LINC00305: variants seen among roughly 807,000 people sequenced by gnomAD.
The protein encoded by LINC00305 is long intergenic non-protein coding RNA 305.
At chr18:64,142,933 T>G (rs2051471237) in intron 1 of LINC00305, among the ~76,000 whole-genome samples, 1 of 152,184 alleles carries the variant, frequency 6.6e-6, no homozygotes, top group Non-Finnish European at 1.5e-5. Context: ...TTTAAAATAG[T>G]GTTCAATTTG....
chr18:64,104,040 C>A (rs1276673229), intron 1 of LINC00305: 1 of 152,162 alleles, frequency 6.6e-6, no homozygotes, highest in Non-Finnish European at 1.5e-5. Flanking sequence ...TATTTCTTGA[C>A]AGAAAGAAAG....
intron 1 of LINC00305, among the ~76,000 whole-genome samples, chr18:64,143,750 C>CAT (rs1416304329): frequency 1.4e-5 from 1 of 70,096 alleles, no homozygotes; most frequent in African/African-American, 5.4e-5. Flanking sequence ...ATTATGCGTA[C>CAT]ATGTATGTAC....
chr18:64,129,938 G>A (rs2051401765), intron 1 of LINC00305, among the ~76,000 whole-genome samples: 1 of 151,316 alleles, frequency 6.6e-6, no homozygotes. Context: ...AAGACTGCTT[G>A]GAGTATATGC....
chr18:64,088,585 T>A (rs1399594106), intron 3 of LINC00305, among the ~76,000 whole-genome samples: 1 of 152,246 alleles, frequency 6.6e-6, no homozygotes, highest in Non-Finnish European at 1.5e-5. Flanking sequence ...TTCCAAAGCA[T>A]ATGTGTTTGT....
intron 1 of LINC00305, among the ~76,000 whole-genome samples, chr18:64,128,256 T>G (rs1464445607): frequency 6.6e-6 from 1 of 152,144 alleles, no homozygotes; most frequent in Non-Finnish European, 1.5e-5. Flanking sequence ...ACTTGTGCAA[T>G]GTAGAAAGAG....
At position 64,136,177 on chromosome 18, in the gene LINC00305, T is replaced by C. The variant is rs182766678; in HGVS notation, n.314+12598A>G. On this transcript the variant is annotated intron_variant and non_coding_transcript_variant, in intron 1 of 3. Transcript: ENST00000666468. ...TAACTGTAGTAATGCTAGTTAAAAA[T>C]GTGTTTTCGTCCTTACTGATTGTGT... is the stretch of plus-strand genomic sequence containing the variant. Among the ~76,000 whole-genome samples, 13 of 152,288 alleles carry C rather than the reference T, an allele frequency of 8.5e-5. No homozygotes were observed. In the East Asian group the frequency reaches 2.5e-3, roughly 29 times the overall value.
intron 1 of LINC00305, among the ~76,000 whole-genome samples, chr18:64,100,345 T>C (rs1488184113): frequency 2.0e-5 from 3 of 152,300 alleles, no homozygotes; most frequent in South Asian, 4.1e-4. Flanking sequence ...CTCCGCTACA[T>C]GAAACTTCTT....
intron 1 of LINC00305, among the ~76,000 whole-genome samples, chr18:64,106,241 C>G (rs907634304): frequency 6.6e-6 from 1 of 152,158 alleles, no homozygotes; most frequent in Non-Finnish European, 1.5e-5. Flanking sequence ...GCCTCTGAAT[C>G]CCCTTGCTCT....
chr18:64,137,771 G>A (rs1331824349), intron 1 of LINC00305, among the ~76,000 whole-genome samples: 1 of 151,414 alleles, frequency 6.6e-6, no homozygotes, highest in African/African-American at 2.4e-5. Flanking sequence ...GTTTAGAGAG[G>A]AACACCTATA....
chr18:64,090,926 A>C (rs1252328177), intron 3 of LINC00305, among the ~76,000 whole-genome samples: 1 of 152,228 alleles, frequency 6.6e-6, no homozygotes, highest in African/African-American at 2.4e-5. Context: ...GAAGTGCTGC[A>C]CAAAACTAAC....
chr18:64,113,024 A>G (rs1211120963), intron 1 of LINC00305, among the ~76,000 whole-genome samples: 1 of 152,246 alleles, frequency 6.6e-6, no homozygotes, highest in Non-Finnish European at 1.5e-5. Context: ...AAGAGGTGTT[A>G]AACAACTTTT....
intron 1 of LINC00305, among the ~76,000 whole-genome samples, chr18:64,133,638 G>T (rs1335081122): frequency 6.6e-6 from 1 of 152,056 alleles, no homozygotes; most frequent in East Asian, 1.9e-4. Flanking sequence ...CCTTTACTTT[G>T]TTTGTCTTGC....
rs1984358 is a variant in LINC00305, at chr18:64,081,849, A to G, written n.541-1447T>C. 2.6e-3 allele frequency among the ~76,000 whole-genome samples: 401 copies of G among 152,308 alleles called. 3 individuals are homozygous for G. The highest frequency in any genetic ancestry group is 9.4e-3 in the African/African-American group (390 of 41,574). On this transcript the variant is annotated intron_variant and non_coding_transcript_variant, in intron 3 of 3. Coordinates refer to ENST00000666468, the Ensembl canonical transcript of LINC00305. ...AGAAAGCTGCATCCTCCAGGTGGAC[A>G]TGACCACATGGTTTGGCAAGCCTGT...
exon 4 of LINC00305, chr18:64,080,353 G>C (rs944650179): frequency 2.2e-6 from 1 of 457,494 alleles, no homozygotes; most frequent in Non-Finnish European, 4.4e-6. Context: ...TTTCTTCCTT[G>C]CTTCCTTCAG....
chr18:64,137,073 T>C (rs999532420), intron 1 of LINC00305, among the ~76,000 whole-genome samples: 3 of 152,170 alleles, frequency 2.0e-5, no homozygotes, highest in African/African-American at 2.4e-5. Flanking sequence ...TGCAATCCTA[T>C]TGGATTCTCA....
chr18:64,121,233 G>T lies in LINC00305; in HGVS notation n.315-22593C>A, dbSNP rs1002468925. On this transcript the variant is annotated intron_variant and non_coding_transcript_variant, in intron 1 of 3. Coordinates refer to ENST00000666468, the Ensembl canonical transcript of LINC00305. ...TTGTATAAATTTATGGGACATATGT[G>T]TAATTTTGTTACATGCATAGCTTGG... Among the ~76,000 whole-genome samples the T allele has an allele frequency of 2.6e-5, 4 of 152,128 alleles. No individual in the cohort carries two copies. In the East Asian group the frequency reaches 7.7e-4, roughly 29 times the overall value.
At chr18:64,098,832 T>G (rs2051257268) in intron 1 of LINC00305, among the ~76,000 whole-genome samples, 1 of 152,132 alleles carries the variant, frequency 6.6e-6, no homozygotes. Flanking sequence ...ACCCCAAGCC[T>G]CTTTCTGAAG....
Position 64,093,467 on chromosome 18 carries a change from T to C in LINC00305, n.540+4367A>G, listed in dbSNP as rs530306932. Among the ~76,000 whole-genome samples the C allele has an allele frequency of 2.6e-5, 4 of 152,352 alleles. No individual in the cohort carries two copies. The South Asian group carries it at 8.3e-4, about 32-fold the overall frequency. ...CTCCTGCCTCAGCCTCCCCAGTAGC[T>C]GGCATTACAGGTGTGTACCACCAAG... On this transcript the variant is annotated intron_variant and non_coding_transcript_variant, in intron 3 of 3. Coordinates refer to ENST00000666468, the Ensembl canonical transcript of LINC00305.
chr18:64,133,108 A>T (rs2051417354), intron 1 of LINC00305, among the ~76,000 whole-genome samples: 1 of 152,152 alleles, frequency 6.6e-6, no homozygotes, highest in Non-Finnish European at 1.5e-5. Context: ...TCATTACCTG[A>T]GAAGCCTCAG....
Sources: allele counts gnomAD v4.1 joint callset (sites outside exome capture counted in the v4.1 genomes callset), GRCh38; gene constraint gnomAD v4.1.1; transcripts MANE v1.5; gene names NCBI Gene and HGNC (gene_info 2026-07-23, HGNC 2026-07-21).